Variants in EVC observed in about 807,000 individuals in gnomAD.
The protein encoded by EVC is EvC ciliary complex subunit 1, also known as evC complex member EVC.
Under a neutral mutation model 118.9 loss-of-function variants are expected in EVC, and 116 were observed. That is an observed-to-expected ratio of 0.98 (90% confidence interval 0.84 to 1.14). EVC has a LOEUF of 1.14. Among genes scored for constraint, EVC ranks in the 50% most tolerant of loss-of-function variants. The pLI is 0.00. For synonymous variants in EVC, 619 were observed against 534.7 expected (o/e 1.16, Z -2.18); for missense variants, 1,401 against 1,246.4 (o/e 1.12, Z -1.87).
intron 4 of EVC, among the ~76,000 whole-genome samples, chr4:5,732,074 T>C (rs1214163396): frequency 3.5e-5 from 5 of 141,372 alleles, no homozygotes; most frequent in African/African-American, 1.2e-4. Context: ...AGTGAGTGAA[T>C]GAATTCCGTT....
intron 11 of EVC, among the ~76,000 whole-genome samples, chr4:5,767,629 A>G (rs570254154): frequency 2.4e-4 from 37 of 152,026 alleles, no homozygotes; most frequent in African/African-American, 8.0e-4. Context: ...CCCGTCGGAA[A>G]AGCACAGTAT....
intron 15 of EVC, among the ~76,000 whole-genome samples, chr4:5,799,765 G>C (rs1194880894): frequency 6.6e-6 from 1 of 152,194 alleles, no homozygotes; most frequent in South Asian, 2.1e-4. Flanking sequence ...TTGCGTGTCT[G>C]TGCAGCAAAG....
rs1220585857 is a variant in EVC at position 5,789,011 on chromosome 4, C to T, written c.1777-4597C>T. 6.6e-6 allele frequency among the ~76,000 whole-genome samples: 1 copy of T among 152,052 alleles called. No homozygotes were observed. Among genetic ancestry groups the T allele is most frequent in the Non-Finnish European group, 1.5e-5 (1 of 68,034 alleles). ...ATTGGACGTCCCTGTTTTAAGACAT[C>T]CTGTATGCCACTAATTTTTAGGATA... On this transcript the variant is annotated intron_variant, in intron 12 of 20. Coordinates refer to ENST00000264956, the MANE Select transcript of EVC (RefSeq NM_153717.3). This position sits in a 1 kb window ranked among gnomAD's most constrained non-coding sequence, Gnocchi z 4.3.
rs183796925 is a variant in EVC, at chr4:5,789,912, G to A, written c.1777-3696G>A. On this transcript the variant is annotated intron_variant, in intron 12 of 20. Transcript: ENST00000264956. The surrounding 1 kb of genome is among the most constrained non-coding windows in gnomAD (Gnocchi z 4.3). ...AGAATCAAGACTGGCCAAGCATGGTGGATCACGCCTGTAATCCCAGCACCT... is the reference window on the plus strand; with the variant it reads ...AGAATCAAGACTGGCCAAGCATGGTAGATCACGCCTGTAATCCCAGCACCT... 8.5e-4 allele frequency among the ~76,000 whole-genome samples: 130 copies of A among 152,264 alleles called. No individual in the cohort carries two copies. The highest frequency in any genetic ancestry group is 3.0e-3 in the African/African-American group (124 of 41,548).
chr4:5,808,132 T>TCCCCCCCCCCCCCC, intron 17 of EVC, 69 bp from the exon 18 acceptor site: 1 of 464,752 alleles, frequency 2.2e-6, no homozygotes, highest in Non-Finnish European at 4.1e-6. Context: ...GCCTTCCTTC[T>TCCCCCCCCCCCCCC]CCCTCCCTCC....
At chr4:5,714,867 T>G (rs921581846) in intron 1 of EVC, among the ~76,000 whole-genome samples, 26 of 152,260 alleles carry the variant, frequency 1.7e-4, no homozygotes, top group African/African-American at 6.0e-4. Context: ...TTCAGTGGCA[T>G]GATCACAGTT....
chr4:5,825,701 ATG>A, the EVC span: 3 of 1,598,268 alleles, frequency 1.9e-6, no homozygotes, highest in Non-Finnish European at 2.6e-6. This position sits in a 1 kb window ranked among gnomAD's most constrained non-coding sequence, Gnocchi z 4.4. Context: ...GACACTGTGC[ATG>A]TGTGCCCTTC....
At chr4:5,773,500 G>T (rs182240538) in intron 11 of EVC, among the ~76,000 whole-genome samples, 1 of 152,072 alleles carries the variant, frequency 6.6e-6, no homozygotes, top group Non-Finnish European at 1.5e-5. Flanking sequence ...AGCAAGTTAC[G>T]TGCCTGAACT....
At position 5,737,389 on chromosome 4, in the gene EVC, A is replaced by G. The variant is rs562206720; in HGVS notation, c.702+3954A>G. Among the ~76,000 whole-genome samples, 86 of 152,352 alleles carry G rather than the reference A, an allele frequency of 5.6e-4. No homozygotes were observed. The highest frequency in any genetic ancestry group is 1.9e-3 in the African/African-American group (81 of 41,588). On this transcript the variant is annotated intron_variant, in intron 5 of 20. Transcript: ENST00000264956. The surrounding 1 kb of genome is among the most constrained non-coding windows in gnomAD (Gnocchi z 5.0). ...GAAGATCTAGCTAAGACCATTGAGC[A>G]AGGTGGCTGCACTAAACAACAGATT...
At chr4:5,817,077 C>G (rs1449490387), downstream of EVC, among the ~76,000 whole-genome samples, 2 of 152,222 alleles carry the variant, frequency 1.3e-5, no homozygotes, top group Non-Finnish European at 2.9e-5. Flanking sequence ...CACAGGGCCG[C>G]CTGGCCCAGG....
downstream of EVC, among the ~76,000 whole-genome samples, chr4:5,817,318 TC>T (rs1311238552): frequency 1.3e-5 from 2 of 152,166 alleles, no homozygotes; most frequent in Non-Finnish European, 2.9e-5. Flanking sequence ...GGTGTTTGGC[TC>T]CCGTCTGATA....
Position 5,809,753 on chromosome 4 carries a change from A to T in EVC, c.2782+142A>T. On this transcript the variant is annotated intron_variant, in intron 19 of 20. Coordinates refer to ENST00000264956, the MANE Select transcript of EVC (RefSeq NM_153717.3). The stretch of plus-strand genomic sequence containing the variant: ...CTGGGCTTTTGTGACCTTGTCTGTA[A>T]ATGAGCAGGCTTGGCTAGGCCACCC... 3.8e-6 allele frequency: 3 copies of T among 793,540 alleles called. No individual in the cohort carries two copies. The South Asian group carries it at 4.4e-5, about 12-fold the overall frequency. The allele number at this position is 793,540 out of a possible 1,614,324, so 49.2% of individuals were successfully genotyped here. A position where few individuals can be genotyped will look rare whatever the true frequency, so the allele number is the denominator to read the frequency against.
At chr4:5,730,276 A>G (rs1726574908) in intron 3 of EVC, among the ~76,000 whole-genome samples, 1 of 152,166 alleles carries the variant, frequency 6.6e-6, no homozygotes, top group Non-Finnish European at 1.5e-5. Flanking sequence ...GGATCTTGTC[A>G]ATTATTATTT....
At position 5,809,523 on chromosome 4, in the gene EVC, T is replaced by C; in HGVS notation, c.2694T>C (p.Ala898=). The change falls in exon 19 of 21, where the codon GCT becomes GCC. Residue 898 remains alanine (A), a synonymous_variant. Coordinates refer to ENST00000264956, the MANE Select transcript of EVC (RefSeq NM_153717.3). ...CCTCTCTGCTTGCATTTCAGGAAGC[T>C]GAACAGAACTTCATCTCCGAGCTGG... ...EAQLETQLQE[A]EQNFISELAA... is the part of the protein sequence containing the mutation. 1.2e-6 allele frequency: 2 copies of C among 1,614,172 alleles called. No homozygotes were observed. Among genetic ancestry groups the C allele is most frequent in the Non-Finnish European group, 1.7e-6 (2 of 1,179,998 alleles).
intron 11 of EVC, among the ~76,000 whole-genome samples, chr4:5,777,797 A>G (rs1252208276): frequency 6.6e-6 from 1 of 151,858 alleles, no homozygotes; most frequent in Non-Finnish European, 1.5e-5. Context: ...AGAGTGTGGC[A>G]TTCATTAGGT....
chr4:5,793,959 C>A (rs1713279140), intron 13 of EVC, among the ~76,000 whole-genome samples: 1 of 151,940 alleles, frequency 6.6e-6, no homozygotes, highest in African/African-American at 2.4e-5. Flanking sequence ...AGTTTACATA[C>A]ATTTATTTTA....
chr4:5,779,593 CTT>C (rs1560393715), intron 11 of EVC, among the ~76,000 whole-genome samples: 1 of 112,126 alleles, frequency 8.9e-6, no homozygotes, highest in Non-Finnish European at 1.8e-5. Flanking sequence ...ATTTTATTCT[CTT>C]TGAAGCAGTT....
chr4:5,780,319 T>C (rs1045833580), intron 11 of EVC, among the ~76,000 whole-genome samples: 4 of 152,200 alleles, frequency 2.6e-5, no homozygotes, highest in Admixed American at 2.6e-4. Context: ...TGTGAGAATA[T>C]GTTTATTTTC....
intron 5 of EVC, among the ~76,000 whole-genome samples, chr4:5,740,547 G>C (rs1203673652): frequency 6.6e-6 from 1 of 151,170 alleles, no homozygotes; most frequent in East Asian, 1.9e-4. Flanking sequence ...AGAGTTTTTA[G>C]ACTTGACACC....
Sources: allele counts gnomAD v4.1 joint callset (sites outside exome capture counted in the v4.1 genomes callset), GRCh38; gene constraint gnomAD v4.1.1; non-coding constraint Gnocchi (gnomAD v3.1); transcripts MANE v1.5; gene names NCBI Gene and HGNC (gene_info 2026-07-23, HGNC 2026-07-21).